CDH20: variants seen among roughly 807,000 people sequenced by gnomAD.
CDH20 encodes the protein cadherin 20, also known as cadherin-20.
A neutral mutation model predicts 74.2 loss-of-function variants in CDH20; 29 were observed. That is an observed-to-expected ratio of 0.39 (90% CI 0.29 to 0.53). The LOEUF is 0.53. Among genes scored for constraint, CDH20 ranks in the 20% least tolerant of loss-of-function variants. The pLI is 0.69. For missense variants in CDH20, 988 were observed against 1,048.3 expected (o/e 0.94, Z 0.79); for synonymous variants, 469 against 405.4 (o/e 1.16, Z -1.88).
chr18:61,391,697 T>C (rs1256655292), intron 1 of CDH20: 1 of 152,070 alleles, frequency 6.6e-6, no homozygotes, highest in South Asian at 2.1e-4. Flanking sequence ...AAGCATTCCA[T>C]ATTTTTACAA....
At chr18:61,448,708 A>AAGG (rs1167726631) in intron 1 of CDH20, among the ~76,000 whole-genome samples, 1 of 152,192 alleles carries the variant, frequency 6.6e-6, no homozygotes, top group African/African-American at 2.4e-5. Context: ...ATTCTGTCCT[A>AAGG]ATCATCACCT....
chr18:61,396,053 T>G lies in CDH20; in HGVS notation c.-153+62226T>G, dbSNP rs1990397. Among the ~76,000 whole-genome samples the G allele has an allele frequency of 2.2e-3, 307 of 142,780 alleles. 2 individuals are homozygous for G. The highest frequency in any genetic ancestry group is 4.6e-3 in the African/African-American group (187 of 40,352). The allele number at this position is 142,780 out of a possible 152,430, so 93.7% of individuals were successfully genotyped here. On this transcript the variant is annotated intron_variant, in intron 1 of 11. Coordinates refer to ENST00000262717, the MANE Select transcript of CDH20 (RefSeq NM_031891.4). The stretch of plus-strand genomic sequence containing the variant: ...GTGCACTCACAGAGTGTGTGTGTGT[T>G]TGTGTGTGTGTGTGTGTGTTCATGC...
rs569479826 is a variant in CDH20 at position 61,483,478 on chromosome 18, A to T, written c.-152-6924A>T. ...TTGTAAGGATTAAATGACAAAGTAA[A>T]TGTAAATTACTTGACACAGCCTGGC... On this transcript the variant is annotated intron_variant, in intron 1 of 11. Coordinates refer to ENST00000262717, the MANE Select transcript of CDH20 (RefSeq NM_031891.4). 3.9e-5 allele frequency among the ~76,000 whole-genome samples: 6 copies of T among 152,272 alleles called. No homozygotes were observed. The South Asian group carries it at 1.2e-3, about 32-fold the overall frequency.
At position 61,488,081 on chromosome 18, in the gene CDH20, C is replaced by CATAT. The variant is rs71178973; in HGVS notation, c.-152-2310_-152-2307dup. Among the ~76,000 whole-genome samples, 1,117 of 148,704 alleles carry CATAT rather than the reference C, an allele frequency of 7.5e-3. 11 individuals carry two copies. Among genetic ancestry groups the CATAT allele is most frequent in the South Asian group, 0.029 (138 of 4,680 alleles). ...ATACACTAAATAGAATACGTACATACATATATATATATATGTACGTATATA... is the reference window on the plus strand; with the variant it reads ...ATACACTAAATAGAATACGTACATACATATATATATATATATATGTACGTATATA... On this transcript the variant is annotated intron_variant, in intron 1 of 11. Transcript: ENST00000262717.
chr18:61,466,418 A>C (rs1335263032), intron 1 of CDH20, among the ~76,000 whole-genome samples: 1 of 152,126 alleles, frequency 6.6e-6, no homozygotes. Context: ...GTATTCAAAA[A>C]TCCTTTCATG....
At chr18:61,429,762 T>C (rs1366527714) in intron 1 of CDH20, among the ~76,000 whole-genome samples, 2 of 152,180 alleles carry the variant, frequency 1.3e-5, no homozygotes, top group Non-Finnish European at 2.9e-5. Flanking sequence ...ATCAAGAGCA[T>C]AGAGATGCTT....
chr18:61,373,513 C>T (rs1010514343), intron 1 of CDH20, among the ~76,000 whole-genome samples: 1 of 152,148 alleles, frequency 6.6e-6, no homozygotes, highest in Admixed American at 6.6e-5. Context: ...CCAACACCCA[C>T]TCTGATTTTG....
At chr18:61,512,503 TTTC>T (rs1276293097) in intron 6 of CDH20, among the ~76,000 whole-genome samples, 2 of 152,152 alleles carry the variant, frequency 1.3e-5, no homozygotes, top group Non-Finnish European at 2.9e-5. Context: ...AATACAATAC[TTTC>T]TTATTTCTTA....
At position 61,365,884 on chromosome 18, in the gene CDH20, A is replaced by G. The variant is rs949935854; in HGVS notation, c.-153+32057A>G. Among the ~76,000 whole-genome samples the G allele has an allele frequency of 5.3e-5, 8 of 152,088 alleles. No homozygotes were observed. The East Asian group carries it at 5.8e-4, about 11-fold the overall frequency. ...AAGTCTCTTCACAAAATAAAAATTGACCTTTGAGGGTGTAGGTGTTTAATA... is the reference window on the plus strand; with the variant it reads ...AAGTCTCTTCACAAAATAAAAATTGGCCTTTGAGGGTGTAGGTGTTTAATA... On this transcript the variant is annotated intron_variant, in intron 1 of 11. Coordinates refer to ENST00000262717, the MANE Select transcript of CDH20 (RefSeq NM_031891.4).
At chr18:61,451,900 T>G (rs7242493) in intron 1 of CDH20, among the ~76,000 whole-genome samples, 24,900 of 152,120 alleles carry the variant, frequency 0.16, 2,235 homozygotes, top group African/African-American at 0.22. Context: ...ACATACCACA[T>G]GCACTGAATT....
At chr18:61,341,068 T>TG (rs1374668099) in intron 1 of CDH20, among the ~76,000 whole-genome samples, 1 of 152,184 alleles carries the variant, frequency 6.6e-6, no homozygotes, top group Non-Finnish European at 1.5e-5. Flanking sequence ...AGAGAAGGAC[T>TG]GGGAGAAACT....
At chr18:61,552,849 T>A (rs1419958568) in intron 11 of CDH20, among the ~76,000 whole-genome samples, 1 of 152,186 alleles carries the variant, frequency 6.6e-6, no homozygotes, top group Non-Finnish European at 1.5e-5. Context: ...ATCTCACGTC[T>A]CCAACCTGCA....
intron 1 of CDH20, among the ~76,000 whole-genome samples, chr18:61,455,855 AATG>A (rs1297226752): frequency 1.3e-5 from 2 of 152,244 alleles, no homozygotes; most frequent in Non-Finnish European, 2.9e-5. Context: ...ATGACATCAA[AATG>A]ATGAACTTTC....
At chr18:61,405,234 C>A in intron 1 of CDH20, 1 of 380,246 alleles carries the variant, frequency 2.6e-6, no homozygotes. Flanking sequence ...GGATGGCCCC[C>A]AACCAGGAGC....
chr18:61,420,498 G>T (rs945807882), intron 1 of CDH20, among the ~76,000 whole-genome samples: 1 of 152,004 alleles, frequency 6.6e-6, no homozygotes, highest in Non-Finnish European at 1.5e-5. Flanking sequence ...TACTTCATGC[G>T]TGGTACCCAC....
At chr18:61,404,786 A>C (rs1912273234) in intron 1 of CDH20, 1 of 324,664 alleles carries the variant, frequency 3.1e-6, no homozygotes, top group Non-Finnish European at 5.3e-6. Context: ...TAATTAAAAA[A>C]AAATTGTCAA....
At chr18:61,346,369 A>T (rs1910114546) in intron 1 of CDH20, among the ~76,000 whole-genome samples, 1 of 152,218 alleles carries the variant, frequency 6.6e-6, no homozygotes, top group African/African-American at 2.4e-5. Flanking sequence ...GAAACCTTTT[A>T]TGCATTTGAT....
intron 1 of CDH20, among the ~76,000 whole-genome samples, chr18:61,462,893 A>G (rs573840544): frequency 6.6e-4 from 100 of 152,274 alleles, no homozygotes; most frequent in South Asian, 1.7e-3. Context: ...CTTAGTGCCT[A>G]AAGTCATTTG....
At chr18:61,504,918 G>A (rs1338730249) in intron 5 of CDH20, among the ~76,000 whole-genome samples, 2 of 151,790 alleles carry the variant, frequency 1.3e-5, no homozygotes, top group African/African-American at 2.4e-5. Context: ...TTCACAAAGG[G>A]TGCAAGTAAC....
Sources: allele counts gnomAD v4.1 joint callset (sites outside exome capture counted in the v4.1 genomes callset), GRCh38; gene constraint gnomAD v4.1.1; transcripts MANE v1.5; gene names NCBI Gene and HGNC (gene_info 2026-07-23, HGNC 2026-07-21).